The following SRRM4 variants were observed in gnomAD, a reference collection of about 807,000 sequenced individuals.
SRRM4 encodes the protein serine/arginine repetitive matrix protein 4.
Under a neutral mutation model 68.9 loss-of-function variants are expected in SRRM4, and 33 were observed. That is an observed-to-expected ratio of 0.48 (90% CI 0.36 to 0.64). The LOEUF is 0.64. Ranked by LOEUF, SRRM4 falls within the 30% of genes least tolerant of loss-of-function variation. SRRM4 has a pLI of 0.00. For synonymous variants in SRRM4, 318 were observed against 318.8 expected (o/e 1.00, Z 0.03); for missense variants, 817 against 827.1 (o/e 0.99, Z 0.15).
At chr12:119,119,530 A>G (rs563747053) in intron 4 of SRRM4, among the ~76,000 whole-genome samples, 80 of 151,946 alleles carry the variant, frequency 5.3e-4, no homozygotes, top group African/African-American at 1.8e-3. Context: ...CAACTGGAGC[A>G]CTGAAGAATG....
intron 1 of SRRM4, among the ~76,000 whole-genome samples, chr12:119,027,489 G>C (rs558057047): frequency 6.6e-6 from 1 of 152,096 alleles, no homozygotes; most frequent in East Asian, 1.9e-4. Context: ...TATCTTTTAA[G>C]ATATTAATAT....
In SRRM4 at chr12:119,141,275, A is replaced by G. The variant is rs564455676; in HGVS notation, c.772-4106A>G. On this transcript the variant is annotated intron_variant, in intron 8 of 12. Coordinates refer to ENST00000267260, the MANE Select transcript of SRRM4 (RefSeq NM_194286.4). ...AGAATAATTTGAATGCTCCCAGCAT[A>G]AAGAAAAGATAAATGTTTAAGGTGA... Among the ~76,000 whole-genome samples, 8 of 152,366 alleles carry G rather than the reference A, an allele frequency of 5.3e-5. No individual in the cohort carries two copies. In the East Asian group the frequency reaches 1.3e-3, roughly 26 times the overall value.
chr12:119,086,458 G>A (rs1259298658), intron 1 of SRRM4, among the ~76,000 whole-genome samples: 2 of 152,164 alleles, frequency 1.3e-5, no homozygotes, highest in South Asian at 2.1e-4. Flanking sequence ...AGCCAAATAG[G>A]TAACTGGTGG....
intron 1 of SRRM4, among the ~76,000 whole-genome samples, chr12:119,075,894 T>C (rs1474785796): frequency 1.1e-5 from 1 of 92,964 alleles, no homozygotes; most frequent in Non-Finnish European, 2.2e-5. Flanking sequence ...GTGATGATGA[T>C]GGTAGCGATG....
In SRRM4 at chr12:119,147,340, AT is replaced by A. The variant is rs575503881; in HGVS notation, c.1076+1660del. 9.2e-5 allele frequency among the ~76,000 whole-genome samples: 14 copies of A among 152,310 alleles called. No individual in the cohort carries two copies. The East Asian group carries it at 2.7e-3, about 29-fold the overall frequency. On this transcript the variant is annotated intron_variant, in intron 9 of 12. Coordinates refer to ENST00000267260, the MANE Select transcript of SRRM4 (RefSeq NM_194286.4). ...GGGATGAATAGGCAGAGCACAGAGG[AT>A]TTTTAGGGCAATGGAACTACTCTGT...
intron 1 of SRRM4, among the ~76,000 whole-genome samples, chr12:119,073,939 C>T (rs1185253264): frequency 2.0e-5 from 3 of 152,128 alleles, no homozygotes; most frequent in Non-Finnish European, 4.4e-5. Flanking sequence ...GCCAGAGCCT[C>T]TACTTCTCAT....
chr12:119,033,596 G>A (rs748954971), intron 1 of SRRM4, among the ~76,000 whole-genome samples: 1 of 151,846 alleles, frequency 6.6e-6, no homozygotes, highest in Non-Finnish European at 1.5e-5. Flanking sequence ...CCCAAGAGGC[G>A]GAGGTCGCCG....
chr12:119,067,623 A>G (rs1001585818), intron 1 of SRRM4, among the ~76,000 whole-genome samples: 2 of 152,134 alleles, frequency 1.3e-5, no homozygotes, highest in Non-Finnish European at 1.5e-5. Context: ...CAGGAGAATC[A>G]CTTGAACCCG....
At position 119,151,102 on chromosome 12, in the gene SRRM4, G is replaced by T; in HGVS notation, c.1162G>T (p.Gly388Trp). 6.2e-7 allele frequency: 1 copy of T among 1,613,974 alleles called. No homozygotes were observed. Among genetic ancestry groups the T allele is most frequent in the Non-Finnish European group, 8.5e-7 (1 of 1,179,884 alleles). ...PSTARSSPMKGCSRSSSYAST... is the reference protein window; with the variant it reads ...PSTARSSPMKWCSRSSSYAST... The stretch of plus-strand genomic sequence containing the variant: ...CACAGCCCGGAGCTCACCCATGAAA[G>T]GGTGTTCCCGCAGCTCCTCCTATGC... The change falls in exon 10 of 13, where the codon GGG (glycine) becomes TGG (tryptophan). Residue 388 changes from glycine (G) to tryptophan (W), a missense_variant. Coordinates refer to ENST00000267260, the MANE Select transcript of SRRM4 (RefSeq NM_194286.4).
chr12:119,121,894 C>A (rs1954221281), intron 5 of SRRM4, among the ~76,000 whole-genome samples, 176 bp from the exon 6 acceptor site: 1 of 152,198 alleles, frequency 6.6e-6, no homozygotes, highest in Admixed American at 6.5e-5. Flanking sequence ...GCGTCGGTAT[C>A]CCTAGCCGAA....
At position 119,120,120 on chromosome 12, in the gene SRRM4, A is replaced by G. The variant is rs1592905727; in HGVS notation, c.438-130A>G. The G allele has an allele frequency of 9.5e-6, 4 of 420,242 alleles. 1 individual carries two copies. The highest frequency in any genetic ancestry group is 4.5e-5 in the African/African-American group (2 of 44,398). 26.0% of individuals were successfully genotyped at this position (420,242 alleles called of 1,614,324 possible). ...TTTCCCCTCCCTCCCTTCCTTCACC[A>G]TCCCTCCCTTTCTTCCTTCCTCCTT... On this transcript the variant is annotated intron_variant, in intron 4 of 12. Transcript: ENST00000267260.
chr12:119,133,904 G>A (rs952043358), intron 8 of SRRM4, among the ~76,000 whole-genome samples: 1 of 152,144 alleles, frequency 6.6e-6, no homozygotes, highest in Non-Finnish European at 1.5e-5. Context: ...ATGCTTATTT[G>A]GGGGTGCAAG....
chr12:119,006,515 C>T (rs1179793737), intron 1 of SRRM4, among the ~76,000 whole-genome samples: 2 of 152,212 alleles, frequency 1.3e-5, no homozygotes, highest in Admixed American at 6.5e-5. Context: ...CTGCTCCCGA[C>T]TCCCCATTCC....
intron 8 of SRRM4, among the ~76,000 whole-genome samples, chr12:119,136,500 T>C (rs1954329128): frequency 6.6e-6 from 1 of 151,786 alleles, no homozygotes. Flanking sequence ...TTTTGTTTAA[T>C]GGGAAGTGAC....
intron 1 of SRRM4, among the ~76,000 whole-genome samples, chr12:119,085,882 G>T (rs1315360404): frequency 2.0e-5 from 3 of 152,078 alleles, no homozygotes; most frequent in Non-Finnish European, 4.4e-5. Context: ...TGGTGGCCAG[G>T]CTGCTGCTTG....
chr12:118,996,664 C>G (rs1953351501), intron 1 of SRRM4, among the ~76,000 whole-genome samples: 2 of 152,190 alleles, frequency 1.3e-5, no homozygotes, highest in Non-Finnish European at 2.9e-5. Context: ...CACCTCAACT[C>G]TGTGTAATAG....
At chr12:119,077,087 T>G (rs902698404) in intron 1 of SRRM4, among the ~76,000 whole-genome samples, 3 of 98,994 alleles carry the variant, frequency 3.0e-5, no homozygotes, top group Non-Finnish European at 7.6e-5. Flanking sequence ...TTCACTGATT[T>G]TCTCCCTTCA....
chr12:119,097,977 C>G (rs533152046), intron 1 of SRRM4, among the ~76,000 whole-genome samples: 1 of 152,266 alleles, frequency 6.6e-6, no homozygotes, highest in East Asian at 1.9e-4. Context: ...CTACAATGTC[C>G]CAAAGAGTTC....
intron 1 of SRRM4, among the ~76,000 whole-genome samples, chr12:119,047,370 T>C (rs1464282004): frequency 6.6e-6 from 1 of 152,142 alleles, no homozygotes; most frequent in Admixed American, 6.5e-5. Flanking sequence ...GGGGAACAGG[T>C]GGTGCTTGGT....
Sources: gnomAD v4.1 joint callset for allele counts (sites outside exome capture counted in the v4.1 genomes callset) on GRCh38, gnomAD v4.1.1 for gene constraint, MANE v1.5 for transcripts, NCBI Gene and HGNC (gene_info 2026-07-23, HGNC 2026-07-21) for gene names.